Variants in MCMBP observed in about 807,000 individuals in gnomAD.
The protein encoded by MCMBP is minichromosome maintenance complex binding protein.
In MCMBP, 31 loss-of-function variants were observed where a neutral mutation model predicts 81.3. That is an observed-to-expected ratio of 0.38 (90% CI 0.29 to 0.51). The LOEUF (loss-of-function observed/expected upper bound fraction) is 0.51. MCMBP is among the 20% of genes least tolerant of loss of function. MCMBP has a pLI of 0.87. For synonymous variants in MCMBP, 267 were observed against 275.9 expected (o/e 0.97, Z 0.32); for missense variants, 645 against 772.1 (o/e 0.84, Z 1.95).
chr10:119,866,594 C>A (rs1178604527), intron 1 of MCMBP, among the ~76,000 whole-genome samples: 1 of 151,952 alleles, frequency 6.6e-6, no homozygotes, highest in African/African-American at 2.4e-5. Context: ...CCACTGCACT[C>A]CAGCCTGGGC....
chr10:119,832,334 A>C (rs1438812635), intron 14 of MCMBP, among the ~76,000 whole-genome samples: 2 of 152,220 alleles, frequency 1.3e-5, no homozygotes, highest in Non-Finnish European at 2.9e-5. Context: ...CATAGGAAAC[A>C]ATGCTTTTCC....
intron 12 of MCMBP, 129 bp downstream of exon 12, chr10:119,838,406 A>G: frequency 1.2e-6 from 1 of 832,098 alleles, no homozygotes; most frequent in Non-Finnish European, 1.8e-6. Context: ...AATCAAATTC[A>G]TATGCCAAGC....
intron 1 of MCMBP, among the ~76,000 whole-genome samples, chr10:119,872,031 G>A (rs2252156): frequency 0.3 from 46,349 of 152,110 alleles, 7,369 homozygotes; most frequent in East Asian, 0.54. Flanking sequence ...AAGAGAGAAT[G>A]AGGGTAGCAC....
chr10:119,838,843 TC>T, intron 11 of MCMBP, 143 bp from the exon 12 acceptor site: 1 of 616,982 alleles, frequency 1.6e-6, no homozygotes, highest in Non-Finnish European at 2.6e-6. Flanking sequence ...TTTCTTGAAC[TC>T]CAGAAGCAAA....
At chr10:119,835,795 G>A (rs773271972) in intron 13 of MCMBP, 91 bp from the exon 14 acceptor site, 366 of 1,348,278 alleles carry the variant, frequency 2.7e-4, no homozygotes, top group Non-Finnish European at 3.7e-4. Context: ...CAGCCCCTAT[G>A]GGAATTAGAA....
intron 13 of MCMBP, among the ~76,000 whole-genome samples, chr10:119,836,471 C>T (rs1852245237): frequency 6.6e-6 from 1 of 152,220 alleles, no homozygotes; most frequent in African/African-American, 2.4e-5. Context: ...CATACCAGAG[C>T]ATTTCACCAC....
intron 1 of MCMBP, 111 bp from the exon 2 acceptor site, chr10:119,859,995 GCTAC>G (rs1853195352): frequency 1.4e-6 from 1 of 726,852 alleles, no homozygotes; most frequent in Admixed American, 2.7e-5. Context: ...ACTAAAATTA[GCTAC>G]TATGATAGAA....
intron 1 of MCMBP, among the ~76,000 whole-genome samples, chr10:119,870,586 AAG>A (rs1277906565): frequency 6.6e-6 from 1 of 152,238 alleles, no homozygotes; most frequent in Non-Finnish European, 1.5e-5. Context: ...AGGATCTTCA[AAG>A]ATCTTTCCTT....
intron 10 of MCMBP, 149 bp from the exon 11 acceptor site, chr10:119,841,109 A>G: frequency 1.6e-6 from 1 of 636,078 alleles, no homozygotes; most frequent in South Asian, 1.8e-5. Context: ...AACAGCAATA[A>G]AAGTAATAGC....
intron 11 of MCMBP, among the ~76,000 whole-genome samples, chr10:119,839,975 A>G (rs989458569): frequency 6.6e-6 from 1 of 152,244 alleles, no homozygotes; most frequent in Non-Finnish European, 1.5e-5. Context: ...CCAGACATTG[A>G]AGAGATTTGC....
At chr10:119,863,037 T>C (rs1418503017) in intron 1 of MCMBP, among the ~76,000 whole-genome samples, 2 of 152,230 alleles carry the variant, frequency 1.3e-5, no homozygotes, top group Non-Finnish European at 2.9e-5. Flanking sequence ...TTCTTATATA[T>C]TCTGGATTCA....
intron 9 of MCMBP, 139 bp downstream of exon 9, chr10:119,843,115 G>A: frequency 1.1e-6 from 1 of 935,560 alleles, no homozygotes; most frequent in Non-Finnish European, 1.7e-6. Flanking sequence ...ATGGGGCAAC[G>A]AGAGAGAGAT....
chr10:119,858,553 G>A (rs1010222025), intron 4 of MCMBP, among the ~76,000 whole-genome samples: 2 of 152,066 alleles, frequency 1.3e-5, no homozygotes, highest in Non-Finnish European at 2.9e-5. Context: ...TTCTATGAAA[G>A]AAACAGTGAG....
chr10:119,868,529 G>A (rs1048594861), intron 1 of MCMBP, among the ~76,000 whole-genome samples: 3 of 152,188 alleles, frequency 2.0e-5, no homozygotes, highest in South Asian at 2.1e-4. Context: ...TGTTCAACAA[G>A]TGTCCACTGA....
chr10:119,840,367 C>T (rs1177211126), intron 11 of MCMBP, among the ~76,000 whole-genome samples: 1 of 152,200 alleles, frequency 6.6e-6, no homozygotes, highest in Non-Finnish European at 1.5e-5. Flanking sequence ...AGAAGCAATT[C>T]CCCTGTTCCC....
chr10:119,858,807 T>A (rs1853141685), intron 4 of MCMBP, 77 bp downstream of exon 4: 1 of 1,046,092 alleles, frequency 9.6e-7, no homozygotes, highest in African/African-American at 1.6e-5. Context: ...TAAATAAATT[T>A]AAGATTAGCT....
At chr10:119,852,210 A>C (rs1030995513) in intron 6 of MCMBP, among the ~76,000 whole-genome samples, 1 of 151,636 alleles carries the variant, frequency 6.6e-6, no homozygotes, top group Non-Finnish European at 1.5e-5. Context: ...GCAGATAGTA[A>C]ATGACCAGAC....
intron 1 of MCMBP, among the ~76,000 whole-genome samples, chr10:119,870,703 G>A (rs1853640771): frequency 6.6e-6 from 1 of 152,114 alleles, no homozygotes; most frequent in African/African-American, 2.4e-5. Context: ...GTGCCTATAA[G>A]TTATCACACA....
intron 9 of MCMBP, 40 bp from the exon 10 acceptor site, chr10:119,842,635 C>T (rs751049905): frequency 1.9e-6 from 3 of 1,592,096 alleles, no homozygotes; most frequent in Non-Finnish European, 1.7e-6. Context: ...ACACACACTC[C>T]AGTTCCTCTC....
Sources: allele counts gnomAD v4.1 joint callset (sites outside exome capture counted in the v4.1 genomes callset), GRCh38; gene constraint gnomAD v4.1.1; transcripts MANE v1.5; gene names NCBI Gene and HGNC (gene_info 2026-07-23, HGNC 2026-07-21).